Variants in SLMAP observed in about 807,000 individuals in gnomAD.
SLMAP encodes the protein sarcolemmal membrane-associated protein.
SLMAP carries 44 observed loss-of-function variants against 128.8 expected under a neutral mutation model. That is an observed-to-expected ratio of 0.34 (90% CI 0.27 to 0.44). The LOEUF (loss-of-function observed/expected upper bound fraction) is 0.44, where lower values mean the gene tolerates loss of function less well. Ranked by LOEUF, SLMAP falls within the 20% of genes least tolerant of loss-of-function variation. The pLI is 1.00. For synonymous variants in SLMAP, 327 were observed against 348.8 expected (o/e 0.94, Z 0.70); for missense variants, 787 against 985.3 (o/e 0.80, Z 2.69).
intron 2 of SLMAP, among the ~76,000 whole-genome samples, chr3:57,786,098 G>A (rs1213924228): frequency 6.6e-6 from 1 of 152,146 alleles, no homozygotes; most frequent in Admixed American, 6.5e-5. Flanking sequence ...TGTATACCTG[G>A]TGTTAAATGA....
At chr3:57,854,066 C>G (rs2094647457) in intron 6 of SLMAP, among the ~76,000 whole-genome samples, 1 of 68,152 alleles carries the variant, frequency 1.5e-5, no homozygotes, top group Non-Finnish European at 2.8e-5. Flanking sequence ...ATATATAACA[C>G]ATTATATATA....
At chr3:57,863,862 A>G (rs2095205755) in intron 10 of SLMAP, among the ~76,000 whole-genome samples, 2 of 152,222 alleles carry the variant, frequency 1.3e-5, no homozygotes, top group Non-Finnish European at 2.9e-5. Context: ...TCGTTACTAA[A>G]TAATTTTGTT....
At chr3:57,857,548 A>G (rs1201138824) in intron 6 of SLMAP, among the ~76,000 whole-genome samples, 185 bp from the exon 7 acceptor site, 1 of 152,244 alleles carries the variant, frequency 6.6e-6, no homozygotes, top group African/African-American at 2.4e-5. Flanking sequence ...GAAACTGTGG[A>G]AAGGGAAACC....
chr3:57,775,939 T>C (rs2081843194), intron 2 of SLMAP, among the ~76,000 whole-genome samples: 1 of 152,148 alleles, frequency 6.6e-6, no homozygotes, highest in Admixed American at 6.5e-5. Context: ...CCTCAGGTGA[T>C]CCAGCTGCCT....
chr3:57,860,621 T>A (rs1337598083), intron 8 of SLMAP, 78 bp from the exon 9 acceptor site: 27 of 1,102,664 alleles, frequency 2.4e-5, no homozygotes, highest in South Asian at 5.2e-5. Context: ...AAGTATATCA[T>A]AATGTGTTAA....
chr3:57,873,400 G>T (rs975054537), intron 14 of SLMAP, among the ~76,000 whole-genome samples: 1 of 152,094 alleles, frequency 6.6e-6, no homozygotes, highest in Admixed American at 6.6e-5. Flanking sequence ...CTACTTGGGA[G>T]TCTGAGGCAG....
chr3:57,808,608 G>A (rs2090357342), intron 2 of SLMAP, among the ~76,000 whole-genome samples: 1 of 152,136 alleles, frequency 6.6e-6, no homozygotes, highest in African/African-American at 2.4e-5. Context: ...ATTGCGCTGT[G>A]GCCTGAGAGA....
intron 16 of SLMAP, 120 bp from the exon 17 acceptor site, chr3:57,896,753 C>A: frequency 7.2e-7 from 1 of 1,383,530 alleles, no homozygotes; most frequent in South Asian, 1.5e-5. Flanking sequence ...GTTAAAACTA[C>A]TTTCAACTAC....
At chr3:57,848,453 T>A (rs961147592) in intron 5 of SLMAP, among the ~76,000 whole-genome samples, 2 of 151,570 alleles carry the variant, frequency 1.3e-5, no homozygotes, top group Non-Finnish European at 2.9e-5. Flanking sequence ...TCCTTCTTCC[T>A]TCTTTCTTCT....
chr3:57,860,884 C>A, intron 9 of SLMAP, 45 bp downstream of exon 9: 2 of 1,458,376 alleles, frequency 1.4e-6, no homozygotes, highest in South Asian at 1.3e-5. Flanking sequence ...TATGAGTGTT[C>A]AAAAAAATCT....
intron 24 of SLMAP, chr3:57,926,379 T>A (rs779281941): frequency 6.0e-4 from 97 of 161,842 alleles, no homozygotes; most frequent in South Asian, 2.7e-3. Context: ...TTTTCTTTGT[T>A]TCAACCCTTT....
chr3:57,876,257 T>G (rs1433608029), intron 14 of SLMAP, among the ~76,000 whole-genome samples: 2 of 152,204 alleles, frequency 1.3e-5, no homozygotes, highest in Non-Finnish European at 2.9e-5. Flanking sequence ...GAGAACAATT[T>G]GGTTGTTGGC....
In SLMAP at chr3:57,927,284, C is replaced by A. The variant is rs779322438; in HGVS notation, c.*7-12C>A. 1 of 1,592,660 alleles carries A rather than the reference C, an allele frequency of 6.3e-7. No individual in the cohort carries two copies. The highest frequency in any genetic ancestry group is 1.1e-5 in the South Asian group (1 of 88,814). On this transcript the variant is annotated splice_polypyrimidine_tract_variant and intron_variant, in intron 24 of 24. Coordinates refer to ENST00000671191, the MANE Select transcript of SLMAP (RefSeq NM_001377540.1). Reference sequence around the variant, plus strand: ...AGAATGTGATATTGACTCTTGGTTTCTTTCCACACAGAAACCCTGGCCCTG... The same window carrying A: ...AGAATGTGATATTGACTCTTGGTTTATTTCCACACAGAAACCCTGGCCCTG...
In SLMAP at chr3:57,761,318, G is replaced by A. The variant is rs373452203; in HGVS notation, c.198+3469G>A. 1.0e-3 allele frequency among the ~76,000 whole-genome samples: 159 copies of A among 151,760 alleles called. 1 individual carries two copies. Among genetic ancestry groups the A allele is most frequent in the African/African-American group, 3.6e-3 (148 of 41,412 alleles). On this transcript the variant is annotated intron_variant, in intron 2 of 24. Transcript: ENST00000671191. ...TTTTTGTTTTTTGTTTTTTTGAGACGGAGTCTGGCTCTGTCACCCAGGCTG... is the reference window on the plus strand; with the variant it reads ...TTTTTGTTTTTTGTTTTTTTGAGACAGAGTCTGGCTCTGTCACCCAGGCTG...
intron 6 of SLMAP, among the ~76,000 whole-genome samples, chr3:57,856,307 G>A (rs1426142473): frequency 6.6e-6 from 1 of 152,080 alleles, no homozygotes; most frequent in African/African-American, 2.4e-5. Context: ...AAACTTACAA[G>A]TTTTAAAACC....
chr3:57,780,006 TAA>T (rs1339458766), intron 2 of SLMAP, among the ~76,000 whole-genome samples: 1 of 152,054 alleles, frequency 6.6e-6, no homozygotes, highest in African/African-American at 2.4e-5. Flanking sequence ...ATTAAAATTT[TAA>T]AAGAGAAATA....
chr3:57,926,139 A>G, intron 24 of SLMAP: 1 of 559,088 alleles, frequency 1.8e-6, no homozygotes, highest in South Asian at 2.3e-5. Flanking sequence ...CTTTGTAGTA[A>G]TGCTAACCAT....
chr3:57,790,568 A>G (rs2085249360), intron 2 of SLMAP, among the ~76,000 whole-genome samples: 1 of 152,002 alleles, frequency 6.6e-6, no homozygotes, highest in Non-Finnish European at 1.5e-5. Context: ...CTTATTTTCT[A>G]TTTGTATAAT....
intron 14 of SLMAP, among the ~76,000 whole-genome samples, chr3:57,888,717 T>C (rs568145079): frequency 3.3e-5 from 5 of 151,820 alleles, no homozygotes; most frequent in Non-Finnish European, 5.9e-5. Flanking sequence ...TCAATAAATA[T>C]CTAAAATGGA....
Sources: allele counts gnomAD v4.1 joint callset (sites outside exome capture counted in the v4.1 genomes callset), GRCh38; gene constraint gnomAD v4.1.1; transcripts MANE v1.5; gene names NCBI Gene and HGNC (gene_info 2026-07-23, HGNC 2026-07-21).